The following PRKCH variants were observed in gnomAD, a reference collection of about 807,000 sequenced individuals.
PRKCH encodes the protein protein kinase C eta type.
A neutral mutation model predicts 82.5 loss-of-function variants in PRKCH; 28 were observed. The ratio of observed to expected loss-of-function variants is 0.34; its 90% confidence interval spans 0.25 to 0.47. The LOEUF (loss-of-function observed/expected upper bound fraction) is 0.47. PRKCH is among the 20% of genes least tolerant of loss of function. The probability of loss-of-function intolerance (pLI) is 1.00; values close to 1 mark genes in which losing one functional copy is unlikely to be tolerated. For synonymous variants in PRKCH, 322 were observed against 327.4 expected, an observed-to-expected ratio of 0.98 and a Z score of 0.18; for missense variants, 705 against 881.8, an observed-to-expected ratio of 0.80 and a Z score of 2.54.
intron 1 of PRKCH, among the ~76,000 whole-genome samples, chr14:61,254,011 C>CTCCG (rs1566795880): frequency 2.9e-5 from 4 of 139,402 alleles, no homozygotes; most frequent in African/African-American, 1.1e-4. Flanking sequence ...CCCTCCCTCC[C>CTCCG]TTCCTTCCTT....
chr14:61,457,476 C>G (rs770495570), intron 8 of PRKCH, 30 bp from the exon 9 acceptor site: 2 of 1,610,182 alleles, frequency 1.2e-6, no homozygotes, highest in Admixed American at 3.3e-5. Context: ...AGAGGACTCC[C>G]TCATGCTCCC....
rs2043308613 is a variant in PRKCH at position 61,550,172 on chromosome 14, G to C, written c.*341G>C. On this transcript the variant is annotated 3_prime_UTR_variant, in exon 14 of 14. Transcript: ENST00000332981. ...ATCTGAGAAATTCTGAGCCAATCAG[G>C]CTTCTTAATTCAAGAGACAAACCAA... 1.0e-5 allele frequency: 2 copies of C among 195,502 alleles called. No individual in the cohort carries two copies. Among genetic ancestry groups the C allele is most frequent in the South Asian group, 1.5e-4 (1 of 6,878 alleles). 12.1% of individuals were successfully genotyped at this position (195,502 alleles called of 1,614,324 possible).
chr14:61,387,521 A>G (rs1179845134), intron 1 of PRKCH, among the ~76,000 whole-genome samples: 3 of 152,210 alleles, frequency 2.0e-5, no homozygotes, highest in African/African-American at 4.8e-5. Context: ...CTGCGTTTGT[A>G]TTCATAGAGA....
At chr14:61,317,436 A>T (rs2045572228), upstream of PRKCH, among the ~76,000 whole-genome samples, 1 of 152,166 alleles carries the variant, frequency 6.6e-6, no homozygotes, top group Admixed American at 6.5e-5. Flanking sequence ...CATTCTTTTT[A>T]AATTTATTTT....
At chr14:61,527,153 G>A (rs1001782753) in intron 10 of PRKCH, among the ~76,000 whole-genome samples, 1 of 152,186 alleles carries the variant, frequency 6.6e-6, no homozygotes, top group African/African-American at 2.4e-5. Context: ...ACATGGCCAT[G>A]TTCCTGCCGA....
In PRKCH at chr14:61,322,397, C is replaced by G; in HGVS notation, c.296C>G (p.Ala99Gly). 1 of 1,610,708 alleles carries G rather than the reference C, an allele frequency of 6.2e-7. No individual in the cohort carries two copies. Among genetic ancestry groups the G allele is most frequent in the Non-Finnish European group, 8.5e-7 (1 of 1,177,682 alleles). The change falls in exon 1 of 14, where the codon GCC becomes GGC. Residue 99 changes from alanine to glycine, a missense_variant. By Grantham distance (60) the Ala-to-Gly change is moderately conservative. Around this residue, in one of 5 missense-constraint regions of PRKCH, gnomAD observed 246 missense variants for 308.0 expected, o/e 0.80. Transcript: ENST00000332981. ...CCCCTGGGCTACGACCACTTCGTGG[C>G]CAACTGCACCCTGCAGTTCCAGGAG... ...ETPLGYDHFVANCTLQFQELL... is the reference protein window; with the variant it reads ...ETPLGYDHFVGNCTLQFQELL...
At chr14:61,310,758 C>T (rs921295598) in intron 1 of PRKCH, among the ~76,000 whole-genome samples, 2 of 152,260 alleles carry the variant, frequency 1.3e-5, no homozygotes, top group African/African-American at 4.8e-5. Flanking sequence ...TTTGCAGTGC[C>T]CTAGCAGAGG....
At chr14:61,218,898 A>C (rs1048656959) in intron 1 of PRKCH, among the ~76,000 whole-genome samples, 2 of 152,226 alleles carry the variant, frequency 1.3e-5, no homozygotes, top group Non-Finnish European at 2.9e-5. Flanking sequence ...GTCCTTGCTC[A>C]ATATTAAACC....
intron 1 of PRKCH, among the ~76,000 whole-genome samples, chr14:61,329,960 T>A (rs1439817018): frequency 6.6e-6 from 1 of 152,214 alleles, no homozygotes; most frequent in African/African-American, 2.4e-5. Flanking sequence ...GACTATTACA[T>A]GTTTCTATTT....
chr14:61,521,370 C>T (rs553176296), intron 10 of PRKCH, among the ~76,000 whole-genome samples: 7 of 152,114 alleles, frequency 4.6e-5, no homozygotes, highest in Middle Eastern at 6.8e-3. Flanking sequence ...AGCCATTCCA[C>T]GGTTGATACA....
intron 2 of PRKCH, among the ~76,000 whole-genome samples, chr14:61,413,454 G>A (rs1216169976): frequency 7.9e-6 from 1 of 126,190 alleles, no homozygotes; most frequent in Non-Finnish European, 1.6e-5. Context: ...TAAGCAAGTG[G>A]CTTAGATCCT....
chr14:61,280,433 C>CG lies in PRKCH; in HGVS notation c.-19+92769dup, dbSNP rs751935065. 4.3e-6 allele frequency: 7 copies of CG among 1,613,942 alleles called. No homozygotes were observed. The highest frequency in any genetic ancestry group is 5.9e-6 in the Non-Finnish European group (7 of 1,179,868). ...TTGATGAAGCCGGTGTTGTTGGGGT[C>CG]GGGGCTGAGCTCGTAGACTGGCCGG... On this transcript the variant is annotated intron_variant, in intron 1 of 3. Coordinates refer to the PRKCH transcript ENST00000555185. This position sits in a 1 kb window ranked among gnomAD's most constrained non-coding sequence, Gnocchi z 5.0.
chr14:61,438,097 T>G (rs891626837), intron 2 of PRKCH, among the ~76,000 whole-genome samples: 1 of 152,144 alleles, frequency 6.6e-6, no homozygotes, highest in African/African-American at 2.4e-5. Context: ...ATCCTTTATG[T>G]TCTATAGATG....
At chr14:61,390,350 C>T (rs1458590408) in intron 1 of PRKCH, among the ~76,000 whole-genome samples, 1 of 152,190 alleles carries the variant, frequency 6.6e-6, no homozygotes, top group African/African-American at 2.4e-5. Context: ...TAGGTAACTT[C>T]AAGGTATGTT....
chr14:61,284,407 G>A (rs569089128), intron 1 of PRKCH, among the ~76,000 whole-genome samples: 3 of 152,354 alleles, frequency 2.0e-5, no homozygotes, highest in South Asian at 4.1e-4. Context: ...GAAGATACTG[G>A]TAGATTGGCA....
intron 1 of PRKCH, among the ~76,000 whole-genome samples, chr14:61,285,938 T>C (rs1566807396): frequency 6.6e-6 from 1 of 152,260 alleles, no homozygotes; most frequent in Admixed American, 6.5e-5. Flanking sequence ...CTGTTCCATT[T>C]ACACAGAGTC....
chr14:61,298,684 G>A (rs896423931), intron 1 of PRKCH: 4 of 152,202 alleles, frequency 2.6e-5, no homozygotes, highest in South Asian at 2.1e-4. Flanking sequence ...GTTTCAGTAC[G>A]TAGATATCTG....
intron 1 of PRKCH, among the ~76,000 whole-genome samples, chr14:61,195,136 G>T (rs1011195886): frequency 6.6e-6 from 1 of 151,962 alleles, no homozygotes. Flanking sequence ...TTCCATTTAG[G>T]ATCATTTTTC....
At chr14:61,193,899 G>A (rs762785999) in intron 1 of PRKCH, among the ~76,000 whole-genome samples, 33 of 152,150 alleles carry the variant, frequency 2.2e-4, no homozygotes, top group South Asian at 1.0e-3. Context: ...ACCTGCTCTA[G>A]GATAAACACA....
Sources: allele counts gnomAD v4.1 joint callset (sites outside exome capture counted in the v4.1 genomes callset), GRCh38; gene constraint gnomAD v4.1.1; regional missense constraint gnomAD v4.1.1; non-coding constraint Gnocchi (gnomAD v3.1); transcripts MANE v1.5; gene names NCBI Gene and HGNC (gene_info 2026-07-23, HGNC 2026-07-21).